Variants in XIAP observed in about 807,000 individuals in gnomAD.
XIAP encodes the protein X-linked inhibitor of apoptosis.
A neutral mutation model predicts 33.1 loss-of-function variants in XIAP; 3 were observed. The ratio of observed to expected loss-of-function variants is 0.09; its 90% confidence interval spans 0.04 to 0.23. The LOEUF is 0.23. XIAP is among the 10% of genes least tolerant of loss of function. The pLI, the probability that XIAP is intolerant of heterozygous loss-of-function variation, is 1.00. For missense variants in XIAP, 264 were observed against 363.0 expected, an observed-to-expected ratio of 0.73 and a Z score of 2.22; for synonymous variants, 98 against 121.3, an observed-to-expected ratio of 0.81 and a Z score of 1.26.
chrX:123,904,410 T>C (rs965411060), intron 6 of XIAP, among the ~76,000 whole-genome samples: 37 of 111,474 alleles, frequency 3.3e-4, no homozygotes, highest in African/African-American at 1.2e-3. Context: ...ACTTGTATTT[T>C]TTCCTCTGCC....
rs746713249 is a variant in XIAP, at chrX:123,910,589, G to T, written c.*3408G>T. ...TGTTAGAGAAATGAAATAAAATGGG[G>T]CTGGGCTCAGTGGCTCACGCCTGTA... On this transcript the variant is annotated 3_prime_UTR_variant, in exon 7 of 7. Coordinates refer to ENST00000371199, the MANE Select transcript of XIAP (RefSeq NM_001167.4). 4.1e-4 allele frequency: 135 copies of T among 327,411 alleles called. No homozygotes were observed. The highest frequency in any genetic ancestry group is 7.6e-4 in the Non-Finnish European group (129 of 169,653). 27.0% of individuals were successfully genotyped at this position (327,411 alleles called of 1,213,427 possible). A position where few individuals can be genotyped will look rare whatever the true frequency, so the allele number is the denominator to read the frequency against.
intron 5 of XIAP, 53 bp downstream of exon 5, chrX:123,892,826 A>G (rs1460260635): frequency 9.4e-7 from 1 of 1,062,115 alleles, no homozygotes; most frequent in East Asian, 3.2e-5. Flanking sequence ...TTATTTATTT[A>G]TTTATTTATT....
At chrX:123,866,523 A>C (rs1403148867) in intron 1 of XIAP, among the ~76,000 whole-genome samples, 1 of 88,364 alleles carries the variant, frequency 1.1e-5, no homozygotes, top group Non-Finnish European at 2.2e-5. Flanking sequence ...ATCATATATA[A>C]TATCAAAATA....
At chrX:123,903,596 C>T (rs1310288676) in intron 6 of XIAP, among the ~76,000 whole-genome samples, 2 of 103,849 alleles carry the variant, frequency 1.9e-5, no homozygotes, top group African/African-American at 7.2e-5. Context: ...GACTTCTGGT[C>T]CAGTGTTTTG....
At chrX:123,902,928 A>G (rs1215035423) in intron 6 of XIAP, among the ~76,000 whole-genome samples, 2 of 110,746 alleles carry the variant, frequency 1.8e-5, no homozygotes, top group Non-Finnish European at 3.8e-5. Context: ...TCTGACCTAG[A>G]AGAGGGCTTT....
At position 123,909,721 on chromosome X, in the gene XIAP, A is replaced by G. The variant is rs2053582964; in HGVS notation, c.*2540A>G. 3.0e-6 allele frequency: 1 copy of G among 329,476 alleles called. No homozygotes were observed. The highest frequency in any genetic ancestry group is 5.9e-6 in the Non-Finnish European group (1 of 169,993). 27.2% of individuals were successfully genotyped at this position (329,476 alleles called of 1,213,427 possible). On this transcript the variant is annotated 3_prime_UTR_variant, in exon 7 of 7. Coordinates refer to ENST00000371199, the MANE Select transcript of XIAP (RefSeq NM_001167.4). The stretch of plus-strand genomic sequence containing the variant: ...AGCAAGACTTTTTTTCTTCCTCTCC[A>G]TGAGTTGTGAAATTTAATGCACAAC...
intron 5 of XIAP, among the ~76,000 whole-genome samples, chrX:123,896,298 C>T (rs934990880): frequency 1.8e-5 from 2 of 110,223 alleles, no homozygotes; most frequent in African/African-American, 6.6e-5. Flanking sequence ...AACCCCTGGG[C>T]TCAAACAATC....
chrX:123,861,594 A>G (rs1429971981), intron 1 of XIAP, among the ~76,000 whole-genome samples: 1 of 111,910 alleles, frequency 8.9e-6, no homozygotes, highest in Non-Finnish European at 1.9e-5. Flanking sequence ...AAGACTTTTT[A>G]CTTTGTACTT....
chrX:123,879,038 G>A (rs1416283800), intron 1 of XIAP: 1 of 112,624 alleles, frequency 8.9e-6, no homozygotes, highest in African/African-American at 3.3e-5. Flanking sequence ...TGAAACTTAT[G>A]TACCATCAAC....
intron 3 of XIAP, among the ~76,000 whole-genome samples, chrX:123,889,674 C>T (rs1467970259): frequency 9.1e-6 from 1 of 109,381 alleles, no homozygotes; most frequent in Non-Finnish European, 1.9e-5. Context: ...CCTGCCACCA[C>T]GCCCAGCTAA....
Position 123,892,812 on chromosome X carries a change from CAATTTATT to C in XIAP, c.1099+40_1099+47del, listed in dbSNP as rs1418265737. 5.5e-6 allele frequency: 6 copies of C among 1,091,000 alleles called. No individual in the cohort carries two copies. The African/African-American group carries it at 9.2e-5, about 17-fold the overall frequency. 89.9% of individuals were successfully genotyped at this position (1,091,000 alleles called of 1,213,427 possible). A position where few individuals can be genotyped will look rare whatever the true frequency, so the allele number is the denominator to read the frequency against. On this transcript the variant is annotated intron_variant, in intron 5 of 6. Transcript: ENST00000371199. ...TTAACTATCCTTTTAATTTAACTGC[CAATTTATT>C]TATTTATTTATTTATTTAGAGACAG...
rs929564972 is a variant in XIAP, at chrX:123,889,216, G to A, written c.977+498G>A. On this transcript the variant is annotated intron_variant, in intron 3 of 6. Transcript: ENST00000371199. ...AGCGATTCTCCTGCCTCAGCCTCCCGAGTAGCTGGGACAACAGGCAAGTGC... is the reference window on the plus strand; with the variant it reads ...AGCGATTCTCCTGCCTCAGCCTCCCAAGTAGCTGGGACAACAGGCAAGTGC... Among the ~76,000 whole-genome samples, 156 of 109,827 alleles carry A rather than the reference G, an allele frequency of 1.4e-3. 1 individual carries two copies. Among genetic ancestry groups the A allele is most frequent in the Non-Finnish European group, 2.4e-3 (125 of 52,670 alleles).
Position 123,913,852 on chromosome X carries a change from C to CTTTTT in XIAP, c.*6671_*6672insTTTTT. 3.2e-6 allele frequency: 1 copy of CTTTTT among 316,467 alleles called. No individual in the cohort carries two copies. Among genetic ancestry groups the CTTTTT allele is most frequent in the South Asian group, 2.9e-5 (1 of 34,797 alleles). 26.1% of individuals were successfully genotyped at this position (316,467 alleles called of 1,213,427 possible). On this transcript the variant is annotated 3_prime_UTR_variant, in exon 7 of 7. Transcript: ENST00000371199. ...ATTTTATGGTTTTTTTCACTTAGAA[C>CTTTTT]CTTTCTGTGTGGAAAACTAAGAAAA...
chrX:123,912,522 C>A lies in XIAP; in HGVS notation c.*5341C>A. The A allele has an allele frequency of 3.1e-6, 1 of 327,121 alleles. No individual in the cohort carries two copies. The highest frequency in any genetic ancestry group is 5.9e-6 in the Non-Finnish European group (1 of 169,312). The allele number at this position is 327,121 out of a possible 1,213,427, so 27.0% of individuals were successfully genotyped here. A position where few individuals can be genotyped will look rare whatever the true frequency, so the allele number is the denominator to read the frequency against. ...TGGTGGTGTGTGCCTGTAGTCCTGG[C>A]TACTCCGGAGCCTGAGGTGGGAGGA... On this transcript the variant is annotated 3_prime_UTR_variant, in exon 7 of 7. Transcript: ENST00000371199.
chrX:123,887,575 CTTACAA>C (rs1211589054), intron 2 of XIAP, among the ~76,000 whole-genome samples: 1 of 112,348 alleles, frequency 8.9e-6, no homozygotes, highest in African/African-American at 3.2e-5. Flanking sequence ...CTTAGAGAAA[CTTACAA>C]TTTCATTATG....
chrX:123,909,925 A>G lies in XIAP; in HGVS notation c.*2744A>G, dbSNP rs1351670432. 9.1e-6 allele frequency: 3 copies of G among 329,683 alleles called. No homozygotes were observed. In the Admixed American group the frequency reaches 9.3e-5, roughly 10 times the overall value. The allele number at this position is 329,683 out of a possible 1,213,427, so 27.2% of individuals were successfully genotyped here. A position where few individuals can be genotyped will look rare whatever the true frequency, so the allele number is the denominator to read the frequency against. On this transcript the variant is annotated 3_prime_UTR_variant, in exon 7 of 7. Coordinates refer to ENST00000371199, the MANE Select transcript of XIAP (RefSeq NM_001167.4). ...CCATCTAATTCCGCAAAAATTGATC[A>G]TTTGCAAAGTCAAAACTATAGCCAT... is the stretch of plus-strand genomic sequence containing the variant.
At chrX:123,887,750 G>A (rs757908109) in intron 2 of XIAP, among the ~76,000 whole-genome samples, 359 of 111,225 alleles carry the variant, frequency 3.2e-3, no homozygotes, top group African/African-American at 0.011. Flanking sequence ...TTGGGAGGCT[G>A]AGGTGGGTGG....
chrX:123,870,705 T>G (rs1354236821), intron 1 of XIAP, among the ~76,000 whole-genome samples: 2 of 111,412 alleles, frequency 1.8e-5, no homozygotes. Flanking sequence ...GTAGGATTGC[T>G]TGAAACCGCA....
chrX:123,901,564 C>G (rs2053514510), intron 6 of XIAP, among the ~76,000 whole-genome samples: 1 of 112,178 alleles, frequency 8.9e-6, no homozygotes, highest in Non-Finnish European at 1.9e-5. Flanking sequence ...GCTAAAAAAA[C>G]TTAAACGTTT....
Sources: allele counts gnomAD v4.1 joint callset (sites outside exome capture counted in the v4.1 genomes callset), GRCh38; gene constraint gnomAD v4.1.1; transcripts MANE v1.5; gene names NCBI Gene and HGNC (gene_info 2026-07-23, HGNC 2026-07-21).